CFAP97: variants seen among roughly 807,000 people sequenced by gnomAD.
The protein encoded by CFAP97 is cilia and flagella associated protein 97.
In CFAP97, 36 loss-of-function variants were observed where a neutral mutation model predicts 43.1. That is an observed-to-expected ratio of 0.84 (90% CI 0.64 to 1.10). CFAP97 has a LOEUF of 1.10. CFAP97 is among the 50% of genes least tolerant of loss of function. The pLI is 0.00. For synonymous variants in CFAP97, 228 were observed against 225.7 expected (o/e 1.01, Z -0.09); for missense variants, 657 against 620.3 (o/e 1.06, Z -0.63).
chr4:185,190,702 C>T lies in CFAP97; in HGVS notation c.495G>A (p.Lys165=), dbSNP rs1485430424. 15 of 1,569,864 alleles carry T rather than the reference C, an allele frequency of 9.6e-6. No individual in the cohort carries two copies. Among genetic ancestry groups the T allele is most frequent in the Non-Finnish European group, 1.3e-5 (15 of 1,155,870 alleles). Residue 165 remains lysine (K), a synonymous_variant, in exon 2 of 5, where the codon AAG becomes AAA. Transcript: ENST00000458385. ...STNVKKSIRK[K]YCKVSSSSSS... is the part of the protein sequence containing the mutation. ...AGGAAGAGGAGCTAACTTTGCAATA[C>T]TTTTTCCTTATGCTTTTTTTAACGT...
At chr4:185,208,041 A>G (rs1438114220), upstream of CFAP97, among the ~76,000 whole-genome samples, 1 of 152,216 alleles carries the variant, frequency 6.6e-6, no homozygotes, top group Non-Finnish European at 1.5e-5. Context: ...AGGGGCTCCA[A>G]TTGGGTGAAA....
intron 1 of CFAP97, among the ~76,000 whole-genome samples, chr4:185,196,276 C>T (rs1021036211): frequency 6.6e-6 from 1 of 152,042 alleles, no homozygotes; most frequent in Non-Finnish European, 1.5e-5. Flanking sequence ...AGTTCAAGAC[C>T]AGCCTGGCCA....
chr4:185,205,743 C>T (rs1347614327), upstream of CFAP97, among the ~76,000 whole-genome samples: 3 of 152,190 alleles, frequency 2.0e-5, no homozygotes, highest in Admixed American at 6.5e-5. Flanking sequence ...GCAGAAGAAT[C>T]GCTTGAACCC....
chr4:185,198,466 G>A (rs200357499), intron 1 of CFAP97, among the ~76,000 whole-genome samples: 3 of 81,622 alleles, frequency 3.7e-5, no homozygotes, highest in Non-Finnish European at 8.6e-5. Context: ...AGAAAGAAAG[G>A]AAGAAAAAGA....
chr4:185,186,673 T>A (rs561867793), intron 2 of CFAP97, among the ~76,000 whole-genome samples: 1 of 152,312 alleles, frequency 6.6e-6, no homozygotes, highest in South Asian at 2.1e-4. Context: ...CTAATTTTTT[T>A]GGATATACAC....
chr4:185,209,796 T>C (rs1343569388), upstream of CFAP97: 1 of 983,142 alleles, frequency 1.0e-6, no homozygotes, highest in Non-Finnish European at 1.2e-6. This position sits in a 1 kb window ranked among gnomAD's most constrained non-coding sequence, Gnocchi z 5.2. Flanking sequence ...GGGCAGGAGA[T>C]GTGCCTGTCC....
chr4:185,171,645 T>C (rs953212671), intron 3 of CFAP97, among the ~76,000 whole-genome samples: 1 of 152,252 alleles, frequency 6.6e-6, no homozygotes, highest in African/African-American at 2.4e-5. Context: ...CCTCTCCTTC[T>C]GCTAAGATTG....
intron 2 of CFAP97, among the ~76,000 whole-genome samples, chr4:185,185,765 G>A (rs1454950675): frequency 3.4e-5 from 5 of 146,188 alleles, no homozygotes; most frequent in East Asian, 4.2e-4. Context: ...ACCTCCCCCC[G>A]CAGCTGGGAC....
At chr4:185,207,256 G>T (rs183492739), upstream of CFAP97, among the ~76,000 whole-genome samples, 1 of 118,706 alleles carries the variant, frequency 8.4e-6, no homozygotes, top group Admixed American at 1.2e-4. Flanking sequence ...TCTCGCTGTC[G>T]CCCAGGCTGG....
intron 1 of CFAP97, among the ~76,000 whole-genome samples, chr4:185,192,758 T>TTA (rs376440116): frequency 1.6e-5 from 2 of 128,246 alleles, no homozygotes; most frequent in East Asian, 2.3e-4. Flanking sequence ...TTTTTTTTTT[T>TTA]GAGACGGAGT....
At chr4:185,179,838 TTTG>T (rs1413109053) in intron 2 of CFAP97, among the ~76,000 whole-genome samples, 9 of 152,164 alleles carry the variant, frequency 5.9e-5, no homozygotes, top group Admixed American at 4.6e-4. Context: ...GATGCTAGTT[TTTG>T]TTGTTATTTG....
Position 185,190,703 on chromosome 4 carries a change from T to C in CFAP97, c.494A>G (p.Lys165Arg). The change falls in exon 2 of 5, where the codon AAG (lysine) becomes AGG (arginine). Residue 165 changes from lysine to arginine, a missense_variant. Transcript: ENST00000458385. ...GGAAGAGGAGCTAACTTTGCAATAC[T>C]TTTTCCTTATGCTTTTTTTAACGTT... ...STNVKKSIRK[K>R]YCKVSSSSSS... 1 of 1,569,628 alleles carries C rather than the reference T, an allele frequency of 6.4e-7. No individual in the cohort carries two copies. Among genetic ancestry groups the C allele is most frequent in the Non-Finnish European group, 8.7e-7 (1 of 1,155,746 alleles).
rs1456280725 is a variant in CFAP97, at chr4:185,162,628, A to C, written c.*170T>G. On this transcript the variant is annotated 3_prime_UTR_variant, in exon 5 of 5. Transcript: ENST00000458385. ...TCCTCAGGAAACACTTTTTACATTAAATCGTTTTTTGACAATAATTTTGCA... is the reference window on the plus strand; with the variant it reads ...TCCTCAGGAAACACTTTTTACATTACATCGTTTTTTGACAATAATTTTGCA... 18 of 671,052 alleles carry C rather than the reference A, an allele frequency of 2.7e-5. No homozygotes were observed. The Admixed American group carries it at 4.1e-4, about 15-fold the overall frequency. 41.6% of individuals were successfully genotyped at this position (671,052 alleles called of 1,614,324 possible).
At chr4:185,195,556 T>C (rs1736497707) in intron 1 of CFAP97, among the ~76,000 whole-genome samples, 1 of 152,202 alleles carries the variant, frequency 6.6e-6, no homozygotes, top group African/African-American at 2.4e-5. Context: ...CAATGCTATA[T>C]TCTTCATGAG....
intron 2 of CFAP97, among the ~76,000 whole-genome samples, chr4:185,183,155 A>T (rs1337221274): frequency 1.3e-5 from 2 of 152,200 alleles, no homozygotes; most frequent in Non-Finnish European, 2.9e-5. Context: ...TTGGCTATAC[A>T]GGTATCCCTC....
Position 185,175,843 on chromosome 4 carries a change from T to C in CFAP97, c.1263A>G (p.Leu421=), listed in dbSNP as rs139917908. ...TCTGTCTGTTGAGAGCACTGTGATA[T>C]AACTTTGGGGGATGATCAGCCGATC... ...IPRSADHPPK[L]YHSALNRQKE... The change falls in exon 3 of 5, where the codon TTA becomes TTG. Residue 421 remains leucine (L), a synonymous_variant. Coordinates refer to ENST00000458385, the MANE Select transcript of CFAP97 (RefSeq NM_020827.3). 5,801 of 1,614,002 alleles carry C rather than the reference T, an allele frequency of 3.6e-3. 23 individuals carry two copies. The highest frequency in any genetic ancestry group is 4.4e-3 in the Non-Finnish European group (5,176 of 1,179,874).
intron 3 of CFAP97, chr4:185,170,378 T>C: frequency 2.1e-6 from 1 of 471,624 alleles, no homozygotes; most frequent in Non-Finnish European, 3.8e-6. Flanking sequence ...TCCTGTATAC[T>C]AGCAGACAAA....
At chr4:185,206,151 T>C (rs546695858), upstream of CFAP97, among the ~76,000 whole-genome samples, 1 of 152,300 alleles carries the variant, frequency 6.6e-6, no homozygotes, top group Non-Finnish European at 1.5e-5. Context: ...CAATTTCCCT[T>C]CTGGACATAC....
In CFAP97 at chr4:185,183,138, G is replaced by T. The variant is rs909176946; in HGVS notation, c.1054+7005C>A. Among the ~76,000 whole-genome samples the T allele has an allele frequency of 2.0e-5, 3 of 151,858 alleles. No individual in the cohort carries two copies. In the East Asian group the frequency reaches 5.8e-4, roughly 29 times the overall value. ...GGTTCTTTTAAACCAATAAAATGTTGATGTGGTTGGCTATACAGGTATCCC... is the reference window on the plus strand; with the variant it reads ...GGTTCTTTTAAACCAATAAAATGTTTATGTGGTTGGCTATACAGGTATCCC... On this transcript the variant is annotated intron_variant, in intron 2 of 4. Transcript: ENST00000458385.
Sources: allele counts gnomAD v4.1 joint callset (sites outside exome capture counted in the v4.1 genomes callset), GRCh38; gene constraint gnomAD v4.1.1; non-coding constraint Gnocchi (gnomAD v3.1); transcripts MANE v1.5; gene names NCBI Gene and HGNC (gene_info 2026-07-23, HGNC 2026-07-21).